The following WDR72 variants were observed in gnomAD, a reference collection of about 807,000 sequenced individuals.
WDR72 encodes WD repeat domain 72.
In WDR72, 120 loss-of-function variants were observed where a neutral mutation model predicts 124.2. The observed-to-expected ratio is 0.97, with a 90% CI of 0.83 to 1.12. The LOEUF is 1.12. Ranked by LOEUF, WDR72 falls within the 50% of genes most tolerant of loss-of-function variation. WDR72 has a pLI of 0.00. For missense variants in WDR72, 1,387 were observed against 1,278.8 expected (o/e 1.08, Z -1.29); for synonymous variants, 452 against 441.7 (o/e 1.02, Z -0.29).
chr15:53,686,138 C>T (rs143557914), intron 13 of WDR72, among the ~76,000 whole-genome samples: 75,793 of 139,528 alleles, frequency 0.54, 21,467 homozygotes, highest in East Asian at 0.79. Context: ...GAGACGAGGA[C>T]GAAACTGCAT....
intron 13 of WDR72, among the ~76,000 whole-genome samples, chr15:53,696,675 A>T (rs942376980): frequency 6.6e-6 from 1 of 152,234 alleles, no homozygotes; most frequent in Non-Finnish European, 1.5e-5. Context: ...TAAAGAATAA[A>T]ACAGAAATCA....
chr15:53,710,990 T>C, intron 8 of WDR72, 37 bp from the exon 9 acceptor site: 1 of 1,568,956 alleles, frequency 6.4e-7, no homozygotes, highest in South Asian at 1.1e-5. Context: ...TTTAGAACTT[T>C]GAGGTTCTTT....
intron 13 of WDR72, among the ~76,000 whole-genome samples, chr15:53,692,632 T>C (rs74018708): frequency 0.027 from 4,126 of 152,216 alleles, 100 homozygotes; most frequent in East Asian, 0.069. Context: ...ATTTTGACAA[T>C]TGTGTAAATA....
intron 18 of WDR72, among the ~76,000 whole-genome samples, chr15:53,543,760 GA>G (rs1191639230): frequency 2.0e-5 from 3 of 151,290 alleles, no homozygotes; most frequent in South Asian, 2.1e-4. Flanking sequence ...GACTAATAAA[GA>G]AAAAAAGAGA....
intron 14 of WDR72, among the ~76,000 whole-genome samples, chr15:53,646,827 G>A (rs689845): frequency 0.068 from 10,368 of 152,112 alleles, 1,162 homozygotes; most frequent in African/African-American, 0.24. Context: ...GGCAAGGAAA[G>A]TAAGGTATGG....
At chr15:53,552,997 G>C (rs1230273857) in intron 18 of WDR72, among the ~76,000 whole-genome samples, 1 of 152,060 alleles carries the variant, frequency 6.6e-6, no homozygotes, top group African/African-American at 2.4e-5. Flanking sequence ...TTCAGTCACT[G>C]TCAACGGTCA....
intron 14 of WDR72, among the ~76,000 whole-genome samples, chr15:53,633,226 T>C (rs1286646004): frequency 6.6e-6 from 1 of 152,196 alleles, no homozygotes; most frequent in African/African-American, 2.4e-5. Flanking sequence ...CTTGGTACTG[T>C]ACAGTGAGTG....
intron 2 of WDR72, among the ~76,000 whole-genome samples, chr15:53,727,356 A>G (rs1315033634): frequency 6.6e-6 from 1 of 152,140 alleles, no homozygotes; most frequent in African/African-American, 2.4e-5. Flanking sequence ...ACATATGTAG[A>G]TGGTAACTCA....
intron 9 of WDR72, among the ~76,000 whole-genome samples, chr15:53,707,376 G>A (rs919704213): frequency 6.6e-6 from 1 of 151,912 alleles, no homozygotes; most frequent in African/African-American, 2.4e-5. Context: ...CAACCAAGAC[G>A]TATAATTAAT....
At chr15:53,723,617 G>C (rs916649959) in intron 2 of WDR72, among the ~76,000 whole-genome samples, 3 of 152,150 alleles carry the variant, frequency 2.0e-5, no homozygotes, top group Admixed American at 1.3e-4. Flanking sequence ...ATGGGGGACT[G>C]GTTCCAGGAC....
chr15:53,663,333 T>C (rs1226540942), intron 14 of WDR72, among the ~76,000 whole-genome samples: 1 of 151,984 alleles, frequency 6.6e-6, no homozygotes, highest in Non-Finnish European at 1.5e-5. Flanking sequence ...TATGTCCGAA[T>C]GTAAAGAATG....
chr15:53,543,707 C>A (rs370165182), intron 18 of WDR72, among the ~76,000 whole-genome samples: 1 of 151,814 alleles, frequency 6.6e-6, no homozygotes. Context: ...AATCCAGGAG[C>A]TGTTTTCTGA....
rs1399068683 is a variant in WDR72 at position 53,695,489 on chromosome 15, CA to C, written c.1765+4260del. ...CAGTGCCAAATACACTGTGGGAGCTCAAATATTAATCAAATTGACATCTGCA... is the reference window on the plus strand; with the variant it reads ...CAGTGCCAAATACACTGTGGGAGCTCAATATTAATCAAATTGACATCTGCA... On this transcript the variant is annotated intron_variant, in intron 13 of 19. Transcript: ENST00000360509. Among the ~76,000 whole-genome samples, 11 of 152,220 alleles carry C rather than the reference CA, an allele frequency of 7.2e-5. No individual in the cohort carries two copies. The South Asian group carries it at 8.3e-4, about 11-fold the overall frequency.
Position 53,517,725 on chromosome 15 carries a change from T to C in WDR72, c.3283A>G (p.Lys1095Glu). 2 of 1,612,944 alleles carry C rather than the reference T, an allele frequency of 1.2e-6. No homozygotes were observed. Among genetic ancestry groups the C allele is most frequent in the South Asian group, 1.1e-5 (1 of 91,058 alleles). ...TAAGACACCTTGCAGGGGCAGACCT[T>C]TGCTATCCATGAATGATGCCTTGGC... ...GEPRHHSWIA[K>E]VCPCKVS The change falls in exon 20 of 20, where the codon AAG becomes GAG. Residue 1095 changes from lysine (K) to glutamate (E), a missense_variant. Coordinates refer to ENST00000360509, the MANE Select transcript of WDR72 (RefSeq NM_182758.4).
intron 19 of WDR72, among the ~76,000 whole-genome samples, chr15:53,522,016 G>C (rs893463453): frequency 1.3e-5 from 2 of 151,972 alleles, no homozygotes; most frequent in African/African-American, 4.8e-5. Context: ...CCATTTCTCA[G>C]TTCCATGGGA....
chr15:53,726,264 G>GTGTATATA lies in WDR72; in HGVS notation c.154-3357_154-3356insTATATACA, dbSNP rs1555428779. Among the ~76,000 whole-genome samples the GTGTATATA allele has an allele frequency of 8.3e-4, 92 of 110,356 alleles. 4 individuals are homozygous for GTGTATATA. Among genetic ancestry groups the GTGTATATA allele is most frequent in the African/African-American group, 3.6e-3 (80 of 21,972 alleles). The allele number at this position is 110,356 out of a possible 152,430, so 72.4% of individuals were successfully genotyped here. A position where few individuals can be genotyped will look rare whatever the true frequency, so the allele number is the denominator to read the frequency against. On this transcript the variant is annotated intron_variant, in intron 2 of 19. Coordinates refer to ENST00000360509, the MANE Select transcript of WDR72 (RefSeq NM_182758.4). ...TGTGTGTATATATATATGTATGTGT[G>GTGTATATA]TATATATATATATATATATATACAC...
intron 13 of WDR72, among the ~76,000 whole-genome samples, chr15:53,676,083 A>C (rs1489243540): frequency 1.3e-5 from 2 of 152,136 alleles, no homozygotes; most frequent in East Asian, 3.9e-4. Flanking sequence ...TGTAAAATTC[A>C]ATACCATATT....
At chr15:53,646,327 T>C (rs1022675461) in intron 14 of WDR72, among the ~76,000 whole-genome samples, 5 of 152,160 alleles carry the variant, frequency 3.3e-5, no homozygotes, top group Admixed American at 1.3e-4. Flanking sequence ...GTAACTCATA[T>C]TCTCTTATCA....
chr15:53,623,029 C>T (rs575267624), intron 14 of WDR72, among the ~76,000 whole-genome samples: 171 of 151,992 alleles, frequency 1.1e-3, no homozygotes, highest in African/African-American at 3.9e-3. Context: ...AAGAGATAAA[C>T]AAAGAGATAA....
Sources: gnomAD v4.1 joint callset for allele counts (sites outside exome capture counted in the v4.1 genomes callset) on GRCh38, gnomAD v4.1.1 for gene constraint, MANE v1.5 for transcripts, NCBI Gene and HGNC (gene_info 2026-07-23, HGNC 2026-07-21) for gene names.